Variants in NTNG1 observed in about 807,000 individuals in gnomAD.
The protein encoded by NTNG1 is netrin G1.
Under a neutral mutation model 54.0 loss-of-function variants are expected in NTNG1, and 16 were observed. The ratio of observed to expected loss-of-function variants is 0.30; its 90% CI spans 0.20 to 0.45. NTNG1 has a LOEUF of 0.45. Among genes scored for constraint, NTNG1 ranks in the 20% least tolerant of loss-of-function variants. The pLI is 1.00. For missense variants in NTNG1, 530 were observed against 678.7 expected (o/e 0.78, Z 2.43); for synonymous variants, 255 against 263.1 (o/e 0.97, Z 0.30).
At chr1:107,153,927 C>T (rs1473744651) in intron 2 of NTNG1, among the ~76,000 whole-genome samples, 1 of 152,126 alleles carries the variant, frequency 6.6e-6, no homozygotes, top group Non-Finnish European at 1.5e-5. Context: ...AACCTAAAAC[C>T]ACCTCATGTC....
intron 2 of NTNG1, among the ~76,000 whole-genome samples, chr1:107,162,776 AT>A (rs569239013): frequency 1.6e-4 from 24 of 152,208 alleles, no homozygotes; most frequent in East Asian, 1.2e-3. Flanking sequence ...ACCATATGTA[AT>A]TTTTTTCCCA....
intron 3 of NTNG1, among the ~76,000 whole-genome samples, chr1:107,386,653 T>C (rs2101054576): frequency 6.6e-6 from 1 of 152,316 alleles, no homozygotes; most frequent in African/African-American, 2.4e-5. Context: ...GGACATTGGG[T>C]TGTGTTCACT....
intron 5 of NTNG1, among the ~76,000 whole-genome samples, chr1:107,419,989 A>C (rs1344150318): frequency 2.0e-5 from 3 of 152,032 alleles, no homozygotes; most frequent in Non-Finnish European, 4.4e-5. Context: ...GATTCAGAAG[A>C]GGTTTAGTGG....
intron 3 of NTNG1, among the ~76,000 whole-genome samples, chr1:107,366,377 G>T (rs1670592727): frequency 6.6e-6 from 1 of 151,996 alleles, no homozygotes; most frequent in Non-Finnish European, 1.5e-5. Flanking sequence ...AGATGTAAGG[G>T]CACTTTTAAT....
At chr1:107,407,334 T>C (rs528872822) in intron 4 of NTNG1, among the ~76,000 whole-genome samples, 5 of 152,236 alleles carry the variant, frequency 3.3e-5, no homozygotes, top group African/African-American at 1.2e-4. Flanking sequence ...AATATCTAGT[T>C]TGAACCACCT....
chr1:107,152,573 G>A (rs906708427), intron 2 of NTNG1, among the ~76,000 whole-genome samples: 9 of 152,176 alleles, frequency 5.9e-5, no homozygotes, highest in African/African-American at 1.2e-4. Context: ...GCCTACAGAC[G>A]GAAGAACTCA....
chr1:107,453,110 G>A (rs556815135), intron 7 of NTNG1, among the ~76,000 whole-genome samples: 1 of 152,274 alleles, frequency 6.6e-6, no homozygotes, highest in South Asian at 2.1e-4. Flanking sequence ...ACTGTTCGGT[G>A]TCTCAACAGT....
intron 3 of NTNG1, among the ~76,000 whole-genome samples, chr1:107,358,833 C>G (rs1300554934): frequency 6.6e-6 from 1 of 152,130 alleles, no homozygotes; most frequent in Non-Finnish European, 1.5e-5. Context: ...AAGAGTTTAG[C>G]TGTGATTAAA....
intron 5 of NTNG1, among the ~76,000 whole-genome samples, chr1:107,429,541 A>T (rs1445548306): frequency 6.6e-6 from 1 of 152,156 alleles, no homozygotes; most frequent in Non-Finnish European, 1.5e-5. Flanking sequence ...TGAATGAATG[A>T]ATGAAAGAAT....
intron 3 of NTNG1, among the ~76,000 whole-genome samples, chr1:107,376,216 C>G (rs145788463): frequency 0.015 from 2,339 of 151,146 alleles, 64 homozygotes; most frequent in African/African-American, 0.053. Context: ...GTCAGGAGAT[C>G]GAGACCACAG....
rs147658203 is a variant in NTNG1 at position 107,255,162 on chromosome 1, G to T, written c.247-69120G>T. 3.5e-4 allele frequency among the ~76,000 whole-genome samples: 54 copies of T among 152,226 alleles called. No homozygotes were observed. In the East Asian group the frequency reaches 9.6e-3, roughly 27 times the overall value. On this transcript the variant is annotated intron_variant, in intron 2 of 7. Transcript: ENST00000370068. ...AAATAGTAAAATAATTAAAATAAAA[G>T]TTGCCTCATGTTTTAATCAGTCTTC...
intron 2 of NTNG1, among the ~76,000 whole-genome samples, chr1:107,300,086 A>G (rs11185082): frequency 0.41 from 61,619 of 152,046 alleles, 12,605 homozygotes; most frequent in East Asian, 0.5. Context: ...GAACTCTTCT[A>G]TAGCAAAACA....
intron 3 of NTNG1, among the ~76,000 whole-genome samples, chr1:107,361,274 A>G (rs1355298100): frequency 5.6e-5 from 8 of 143,750 alleles, no homozygotes; most frequent in Admixed American, 1.4e-4. Context: ...TGTAAGAACT[A>G]TATAATATAT....
chr1:107,472,675 C>T (rs1678059301), intron 7 of NTNG1, among the ~76,000 whole-genome samples: 2 of 143,878 alleles, frequency 1.4e-5, no homozygotes, highest in Admixed American at 1.4e-4. Flanking sequence ...ACCATACTAC[C>T]CCTCATGGCC....
intron 3 of NTNG1, among the ~76,000 whole-genome samples, chr1:107,360,639 A>T (rs979177154): frequency 1.3e-5 from 2 of 152,214 alleles, no homozygotes; most frequent in Non-Finnish European, 2.9e-5. Flanking sequence ...TGAATTCTGA[A>T]AAGTATTTGC....
intron 2 of NTNG1, among the ~76,000 whole-genome samples, chr1:107,181,185 C>T (rs7515764): frequency 0.76 from 115,546 of 152,066 alleles, 44,880 homozygotes; most frequent in Middle Eastern, 0.87. Context: ...AAAAATAAGA[C>T]GTGATATTTT....
chr1:107,237,985 AC>A (rs1471917987), intron 2 of NTNG1, among the ~76,000 whole-genome samples: 5 of 152,254 alleles, frequency 3.3e-5, no homozygotes, highest in Middle Eastern at 3.4e-3. Flanking sequence ...GAAGAGGGCC[AC>A]CGTCCTCCAG....
intron 2 of NTNG1, among the ~76,000 whole-genome samples, chr1:107,234,864 T>G (rs1661303931): frequency 6.6e-6 from 1 of 152,180 alleles, no homozygotes; most frequent in Non-Finnish European, 1.5e-5. Flanking sequence ...TCATGCAGTA[T>G]CAAGCCTCAT....
In NTNG1 at chr1:107,240,975, G is replaced by A. The variant is rs116768291; in HGVS notation, c.247-83307G>A. On this transcript the variant is annotated intron_variant, in intron 2 of 7. Coordinates refer to ENST00000370068, the MANE Select transcript of NTNG1 (RefSeq NM_001113226.3). ...AAACGAATTTCTTTAAAATCACTTCGGATTTTTTTTTGAAGTACTAATTAC... is the reference window on the plus strand; with the variant it reads ...AAACGAATTTCTTTAAAATCACTTCAGATTTTTTTTTGAAGTACTAATTAC... Among the ~76,000 whole-genome samples the A allele has an allele frequency of 5.6e-3, 855 of 151,804 alleles. 8 individuals carry two copies. Among genetic ancestry groups the A allele is most frequent in the African/African-American group, 0.019 (782 of 41,374 alleles).
Sources: gnomAD v4.1 joint callset for allele counts (sites outside exome capture counted in the v4.1 genomes callset) on GRCh38, gnomAD v4.1.1 for gene constraint, MANE v1.5 for transcripts, NCBI Gene and HGNC (gene_info 2026-07-23, HGNC 2026-07-21) for gene names.